Variants in RPRD2 observed in about 807,000 individuals in gnomAD.
RPRD2 encodes regulation of nuclear pre-mRNA domain-containing protein 2.
Under a neutral mutation model 104.4 loss-of-function variants are expected in RPRD2, and 12 were observed. The ratio of observed to expected loss-of-function variants is 0.11; its 90% CI spans 0.07 to 0.19. The LOEUF (loss-of-function observed/expected upper bound fraction) is 0.19. Among genes scored for constraint, RPRD2 ranks in the 10% least tolerant of loss-of-function variants. RPRD2 has a pLI of 1.00. For synonymous variants in RPRD2, 714 were observed against 684.9 expected, an observed-to-expected ratio of 1.04 and a Z score of -0.66; for missense variants, 1,543 against 1,790.1, an observed-to-expected ratio of 0.86 and a Z score of 2.49.
At chr1:150,422,367 T>A (rs139085664) in intron 2 of RPRD2, among the ~76,000 whole-genome samples, 18 of 111,996 alleles carry the variant, frequency 1.6e-4, no homozygotes, top group East Asian at 2.1e-4. Flanking sequence ...ATAATAATAA[T>A]AAATAAAATT....
chr1:150,466,937 A>G (rs899111953), intron 10 of RPRD2, among the ~76,000 whole-genome samples: 2 of 152,172 alleles, frequency 1.3e-5, no homozygotes, highest in African/African-American at 4.8e-5. Flanking sequence ...GACACTTGGC[A>G]ATATTTGGAG....
intron 2 of RPRD2, among the ~76,000 whole-genome samples, chr1:150,437,360 G>T (rs150312650): frequency 6.6e-5 from 10 of 152,210 alleles, no homozygotes; most frequent in Middle Eastern, 3.4e-3. Context: ...GCTGGGTGTG[G>T]TGGTGCATGC....
At chr1:150,458,862 T>A (rs1407410756) in intron 8 of RPRD2, among the ~76,000 whole-genome samples, 2 of 152,184 alleles carry the variant, frequency 1.3e-5, no homozygotes, top group Non-Finnish European at 2.9e-5. Context: ...CAGGCTGGTC[T>A]CGAACTCCTG....
intron 2 of RPRD2, among the ~76,000 whole-genome samples, chr1:150,432,496 A>ACCT (rs1665673703): frequency 2.6e-5 from 4 of 152,088 alleles, no homozygotes; most frequent in African/African-American, 9.7e-5. Context: ...TAAGGGAGGT[A>ACCT]GTGAAAAATT....
At chr1:150,459,932 G>A in intron 8 of RPRD2, 128 bp from the exon 9 acceptor site, 2 of 752,648 alleles carry the variant, frequency 2.7e-6, no homozygotes, top group Non-Finnish European at 2.2e-6. Flanking sequence ...AGCATGAAGT[G>A]AGTCGTTGTT....
chr1:150,433,413 T>TAC (rs1253775784), intron 2 of RPRD2, among the ~76,000 whole-genome samples: 5 of 126,088 alleles, frequency 4.0e-5, no homozygotes, highest in Admixed American at 8.0e-5. Flanking sequence ...ATATACTATA[T>TAC]ATACACACAC....
Position 150,460,152 on chromosome 1 carries a change from T to C in RPRD2, c.1246T>C (p.Cys416Arg), listed in dbSNP as rs1553898504. ...AGAAAATATCTCAAAGGCCTCTTCA[T>C]GTACCCCAGTGCCTGTGACCATGAC... ...PTENISKASS[C>R]TPVPVTMTAT... The change falls in exon 9 of 11, where the codon TGT (cysteine) becomes CGT (arginine). Residue 416 changes from cysteine (C) to arginine (R), a missense_variant. Physicochemically the swap from Cys to Arg is radical, Grantham distance 180 (BLOSUM62 -3). Transcript: ENST00000369068. The C allele has an allele frequency of 1.2e-6, 2 of 1,613,898 alleles. No homozygotes were observed. Among genetic ancestry groups the C allele is most frequent in the Non-Finnish European group, 8.5e-7 (1 of 1,179,896 alleles).
chr1:150,385,941 A>G (rs1229997213), intron 1 of RPRD2, among the ~76,000 whole-genome samples: 1 of 152,096 alleles, frequency 6.6e-6, no homozygotes, highest in Non-Finnish European at 1.5e-5. Flanking sequence ...GTAGAGGGGA[A>G]TGAGTTAGGG....
chr1:150,446,510 C>A (rs74383853), intron 7 of RPRD2, 109 bp downstream of exon 7: 30 of 968,878 alleles, frequency 3.1e-5, no homozygotes, highest in South Asian at 7.7e-5. Flanking sequence ...ATCTCCTTAT[C>A]GCAGATGAAA....
At chr1:150,388,688 C>T (rs1347259409) in intron 1 of RPRD2, among the ~76,000 whole-genome samples, 7 of 150,988 alleles carry the variant, frequency 4.6e-5, no homozygotes, top group Non-Finnish European at 1.0e-4. Context: ...GATCTTGCAA[C>T]CTCCGCCTCC....
intron 1 of RPRD2, among the ~76,000 whole-genome samples, chr1:150,411,470 CAAAAA>C (rs1312709468): frequency 2.3e-5 from 2 of 88,610 alleles, no homozygotes; most frequent in Non-Finnish European, 4.5e-5. Context: ...AAAAAAAAAA[CAAAAA>C]AAAAACGAAA....
rs878982671 is a variant in RPRD2 at position 150,471,668 on chromosome 1, C to T, written c.2720C>T (p.Ser907Leu). 4.3e-6 allele frequency: 7 copies of T among 1,613,952 alleles called. 1 individual carries two copies. The South Asian group carries it at 4.4e-5, about 10-fold the overall frequency. ...LDSSENCDRL[S>L]SSPGLFGAFS... ...TCTAGTGAGAACTGTGACCGTCTCT[C>T]ATCTTCCCCTGGGCTATTTGGTGCC... The change falls in exon 11 of 11, where the codon TCA becomes TTA. Residue 907 changes from serine to leucine, a missense_variant. Physicochemically the swap from Ser to Leu is moderately radical, Grantham distance 145 (BLOSUM62 -2). Around this residue, in one of 4 missense-constraint regions of RPRD2, gnomAD observed 880 missense variants for 885.6 expected, o/e 0.99. Transcript: ENST00000369068. This position sits in a 1 kb window ranked among gnomAD's most constrained non-coding sequence, Gnocchi z 5.3.
chr1:150,381,277 G>A (rs1208704197), intron 1 of RPRD2, among the ~76,000 whole-genome samples: 1 of 151,594 alleles, frequency 6.6e-6, no homozygotes, highest in Non-Finnish European at 1.5e-5. Flanking sequence ...AAAAAAATAG[G>A]TAGACATGGT....
At chr1:150,427,649 A>T (rs1314669081) in intron 2 of RPRD2, among the ~76,000 whole-genome samples, 1 of 151,952 alleles carries the variant, frequency 6.6e-6, no homozygotes, top group Admixed American at 6.6e-5. Flanking sequence ...AAATACAAAA[A>T]TTAGCTGGAT....
chr1:150,456,770 C>A (rs1309591508), intron 7 of RPRD2, among the ~76,000 whole-genome samples: 1 of 151,172 alleles, frequency 6.6e-6, no homozygotes, highest in Non-Finnish European at 1.5e-5. Context: ...ACTAAAAATT[C>A]AAAAATTAGC....
At position 150,473,456 on chromosome 1, in the gene RPRD2, C is replaced by T. The variant is rs1461687304; in HGVS notation, c.*122C>T. On this transcript the variant is annotated 3_prime_UTR_variant, in exon 11 of 11. Transcript: ENST00000369068. ...ATTTTTTTTTTATTATAACAAAGGG[C>T]CTCTCTTCCAAAGTAAGAAATCACA... is the stretch of plus-strand genomic sequence containing the variant. The T allele has an allele frequency of 3.2e-5, 29 of 911,464 alleles. No homozygotes were observed. In the East Asian group the frequency reaches 7.6e-4, roughly 24 times the overall value. The allele number at this position is 911,464 out of a possible 1,614,324, so 56.5% of individuals were successfully genotyped here.
intron 8 of RPRD2, among the ~76,000 whole-genome samples, chr1:150,459,768 A>G (rs1472408388): frequency 2.6e-5 from 4 of 151,862 alleles, no homozygotes; most frequent in Non-Finnish European, 5.9e-5. Context: ...AATTTTTTGT[A>G]TTTTTTGTGG....
rs1553876932 is a variant in RPRD2 at position 150,364,893 on chromosome 1, A to G, written c.179A>G (p.Tyr60Cys). The G allele has an allele frequency of 1.8e-5, 29 of 1,613,998 alleles. 1 individual carries two copies. The highest frequency in any genetic ancestry group is 4.4e-5 in the South Asian group (4 of 91,080). The change falls in exon 1 of 11, where the codon TAT (tyrosine) becomes TGT (cysteine). Residue 60 changes from tyrosine (Y) to cysteine (C), a missense_variant. Tyr to Cys is a radical substitution (Grantham distance 194). This residue lies in a region of RPRD2 where 88 missense variants were observed against 96.6 expected (regional missense o/e 0.91). Transcript: ENST00000369068. ...ENKKHHSTIVYHWMKWLRRSA... is the reference protein window; with the variant it reads ...ENKKHHSTIVCHWMKWLRRSA... ...AAAAAACACCACAGTACTATCGTCTATCATTGGATGAAGTGGCTCCGGAGA... is the reference window on the plus strand; with the variant it reads ...AAAAAACACCACAGTACTATCGTCTGTCATTGGATGAAGTGGCTCCGGAGA...
chr1:150,368,069 T>C (rs1659973695), intron 1 of RPRD2, among the ~76,000 whole-genome samples: 1 of 152,130 alleles, frequency 6.6e-6, no homozygotes. Flanking sequence ...GAATTTCTTT[T>C]ACATTGATCT....
Sources: allele counts gnomAD v4.1 joint callset (sites outside exome capture counted in the v4.1 genomes callset), GRCh38; gene constraint gnomAD v4.1.1; regional missense constraint gnomAD v4.1.1; non-coding constraint Gnocchi (gnomAD v3.1); transcripts MANE v1.5; gene names NCBI Gene and HGNC (gene_info 2026-07-23, HGNC 2026-07-21).